The following CACNA2D3 variants were observed in gnomAD, a reference collection of about 807,000 sequenced individuals.
CACNA2D3 encodes the protein calcium voltage-gated channel auxiliary subunit alpha2delta 3.
CACNA2D3 carries 60 observed loss-of-function variants against 160.6 expected under a neutral mutation model. The ratio of observed to expected loss-of-function variants is 0.37; its 90% CI spans 0.30 to 0.46. CACNA2D3 has a LOEUF of 0.46. Ranked by LOEUF, CACNA2D3 falls within the 20% of genes least tolerant of loss-of-function variation. The pLI is 1.00. For missense variants in CACNA2D3, 1,205 were observed against 1,365.0 expected (o/e 0.88, Z 1.85); for synonymous variants, 558 against 492.9 (o/e 1.13, Z -1.75).
chr3:54,123,488 C>G (rs1291634875), intron 1 of CACNA2D3, 25 bp from the exon 2 acceptor site: 1 of 1,582,900 alleles, frequency 6.3e-7, no homozygotes, highest in Non-Finnish European at 8.7e-7. Context: ...TGTTACATAT[C>G]TTCCTGTGCC....
At chr3:54,475,776 A>T (rs1700817839) in intron 4 of CACNA2D3, among the ~76,000 whole-genome samples, 1 of 145,272 alleles carries the variant, frequency 6.9e-6, no homozygotes, top group East Asian at 2.0e-4. Flanking sequence ...ATACATTACA[A>T]ATAACATATC....
chr3:54,591,500 A>G (rs1424467297), intron 9 of CACNA2D3, among the ~76,000 whole-genome samples: 1 of 151,898 alleles, frequency 6.6e-6, no homozygotes, highest in Non-Finnish European at 1.5e-5. Context: ...GATGTTCCAT[A>G]GAAGCATGAA....
intron 24 of CACNA2D3, among the ~76,000 whole-genome samples, chr3:54,890,305 G>C (rs1700027385): frequency 6.6e-6 from 1 of 151,964 alleles, no homozygotes; most frequent in South Asian, 2.1e-4. Context: ...GACCATCCTG[G>C]CTAACACAGT....
chr3:54,452,152 A>T (rs753014505), intron 4 of CACNA2D3, among the ~76,000 whole-genome samples: 1 of 152,230 alleles, frequency 6.6e-6, no homozygotes, highest in Non-Finnish European at 1.5e-5. Context: ...TCAAGGAAAG[A>T]GGTTTAATGG....
chr3:54,867,369 A>C (rs1699425683), intron 17 of CACNA2D3, among the ~76,000 whole-genome samples: 1 of 152,202 alleles, frequency 6.6e-6, no homozygotes, highest in East Asian at 1.9e-4. Context: ...TTTATAAATC[A>C]CATGTTCCTC....
chr3:54,700,950 T>C (rs1474506686), intron 11 of CACNA2D3, among the ~76,000 whole-genome samples: 1 of 152,202 alleles, frequency 6.6e-6, no homozygotes, highest in African/African-American at 2.4e-5. Context: ...CACCTCCCTC[T>C]GAGAGTCCCA....
intron 5 of CACNA2D3, among the ~76,000 whole-genome samples, chr3:54,552,629 A>G (rs144194785): frequency 1.3e-5 from 2 of 152,112 alleles, no homozygotes; most frequent in South Asian, 4.1e-4. Flanking sequence ...GTTCATGACT[A>G]CCTGGAAAGG....
chr3:54,298,281 CT>C, intron 2 of CACNA2D3, among the ~76,000 whole-genome samples: 1 of 152,328 alleles, frequency 6.6e-6, no homozygotes, highest in African/African-American at 2.4e-5. Flanking sequence ...ATAATGTGAC[CT>C]GCTTTTACTT....
intron 4 of CACNA2D3, among the ~76,000 whole-genome samples, chr3:54,497,130 T>C (rs2106933069): frequency 6.6e-6 from 1 of 152,224 alleles, no homozygotes; most frequent in African/African-American, 2.4e-5. Context: ...AATCAGCTTT[T>C]CAATTTATAT....
At chr3:54,634,932 A>G (rs1559533836) in intron 10 of CACNA2D3, among the ~76,000 whole-genome samples, 2 of 152,054 alleles carry the variant, frequency 1.3e-5, no homozygotes, top group Non-Finnish European at 1.5e-5. Flanking sequence ...CAGAGGCCTG[A>G]CATTCCTGCC....
At chr3:54,449,587 T>C (rs1700273897) in intron 4 of CACNA2D3, among the ~76,000 whole-genome samples, 1 of 152,150 alleles carries the variant, frequency 6.6e-6, no homozygotes, top group Non-Finnish European at 1.5e-5. Context: ...TGGGAGGTGA[T>C]TGGATCATGG....
rs571044764 is a variant in CACNA2D3 at position 54,786,135 on chromosome 3, C to T, written c.1380+21784C>T. 5.6e-4 allele frequency among the ~76,000 whole-genome samples: 86 copies of T among 152,328 alleles called. 4 individuals are homozygous for T. The South Asian group carries it at 0.017, about 31-fold the overall frequency. On this transcript the variant is annotated intron_variant, in intron 13 of 37. Coordinates refer to ENST00000474759, the MANE Select transcript of CACNA2D3 (RefSeq NM_018398.3). ...ACCACCTATTACTCTCTCATAGAAC[C>T]ACTTCTTGTTCTTGTTAGCACTTAG...
chr3:54,843,913 C>G (rs1419352178), intron 16 of CACNA2D3, among the ~76,000 whole-genome samples: 1 of 152,166 alleles, frequency 6.6e-6, no homozygotes, highest in African/African-American at 2.4e-5. Context: ...AAGAACTCCA[C>G]TGTGACTGGG....
At chr3:54,550,451 C>T (rs971982284) in intron 5 of CACNA2D3, among the ~76,000 whole-genome samples, 12 of 152,320 alleles carry the variant, frequency 7.9e-5, no homozygotes, top group Non-Finnish European at 8.8e-5. Context: ...CAAGAAAGCA[C>T]CCCCTGGAGG....
chr3:54,652,955 G>A (rs1432676859), intron 11 of CACNA2D3, among the ~76,000 whole-genome samples: 2 of 151,976 alleles, frequency 1.3e-5, no homozygotes, highest in African/African-American at 4.8e-5. Context: ...GCTAATTTTT[G>A]TATTTTTAGT....
chr3:55,024,070 T>C (rs543172877), intron 35 of CACNA2D3, among the ~76,000 whole-genome samples: 1 of 121,840 alleles, frequency 8.2e-6, no homozygotes, highest in Non-Finnish European at 1.7e-5. Context: ...TTTTTCTGAC[T>C]TGGGGGCATT....
intron 3 of CACNA2D3, among the ~76,000 whole-genome samples, chr3:54,372,680 A>G (rs1192600542): frequency 6.6e-6 from 1 of 152,234 alleles, no homozygotes; most frequent in Non-Finnish European, 1.5e-5. Context: ...TAAAGTTATA[A>G]TTAGGGTTGA....
chr3:54,886,233 G>T (rs1199633909), intron 23 of CACNA2D3, among the ~76,000 whole-genome samples: 1 of 152,106 alleles, frequency 6.6e-6, no homozygotes, highest in Non-Finnish European at 1.5e-5. Context: ...CAAGCATCAT[G>T]TATTCAATGA....
chr3:54,822,554 G>A (rs1350030690), intron 14 of CACNA2D3, among the ~76,000 whole-genome samples: 1 of 152,044 alleles, frequency 6.6e-6, no homozygotes, highest in African/African-American at 2.4e-5. Context: ...ATCCAACTTT[G>A]CACTTGAGGC....
Sources: allele counts gnomAD v4.1 joint callset (sites outside exome capture counted in the v4.1 genomes callset), GRCh38; gene constraint gnomAD v4.1.1; transcripts MANE v1.5; gene names NCBI Gene and HGNC (gene_info 2026-07-23, HGNC 2026-07-21).